JPH2: variants seen among roughly 807,000 people sequenced by gnomAD.
JPH2 encodes the protein junctophilin 2, also known as junctophilin-2.
In JPH2, 38 loss-of-function variants were observed where a neutral mutation model predicts 55.9. That is an observed-to-expected ratio of 0.68 (90% confidence interval 0.52 to 0.89). The LOEUF (loss-of-function observed/expected upper bound fraction) is 0.89. Among genes scored for constraint, JPH2 ranks in the 40% least tolerant of loss-of-function variants. JPH2 has a pLI of 0.00. For synonymous variants in JPH2, 480 were observed against 472.4 expected (o/e 1.02, Z -0.21); for missense variants, 964 against 1,037.6 (o/e 0.93, Z 0.97).
In JPH2 at chr20:44,142,846, ATGCTG is replaced by A. The variant is rs1206024270; in HGVS notation, c.1169+16767_1169+16771del. Among the ~76,000 whole-genome samples the A allele has an allele frequency of 2.0e-5, 3 of 152,194 alleles. No individual in the cohort carries two copies. In the East Asian group the frequency reaches 5.8e-4, roughly 29 times the overall value. The stretch of plus-strand genomic sequence containing the variant: ...AAATGAATAACATGGAGGGTGCCCC[ATGCTG>A]TGGGTTCTTCCCATTACAGTGTGTT... On this transcript the variant is annotated intron_variant, in intron 2 of 5. Coordinates refer to ENST00000372980, the MANE Select transcript of JPH2 (RefSeq NM_020433.5).
chr20:44,118,917 G>A (rs578017403), intron 2 of JPH2, among the ~76,000 whole-genome samples: 4 of 152,178 alleles, frequency 2.6e-5, no homozygotes, highest in Non-Finnish European at 5.9e-5. Flanking sequence ...CTATTTCCAG[G>A]CTTGGCCCAT....
rs201833408 is a variant in JPH2, at chr20:44,121,246, C to CA, written c.1170-2624dup. 6.7e-3 allele frequency among the ~76,000 whole-genome samples: 1,021 copies of CA among 152,232 alleles called. 19 individuals are homozygous for CA. Among genetic ancestry groups the CA allele is most frequent in the African/African-American group, 0.024 (976 of 41,522 alleles). On this transcript the variant is annotated intron_variant, in intron 2 of 5. Transcript: ENST00000372980. ...AGCCAGGTAGACAGAAGGGCATGTG[C>CA]AAAGACTCTGAGACTGAGGAAGAGC...
intron 1 of JPH2, among the ~76,000 whole-genome samples, chr20:44,172,456 C>T (rs1441074230): frequency 6.6e-6 from 1 of 152,022 alleles, no homozygotes; most frequent in African/African-American, 2.4e-5. Context: ...GCTCTAGTAA[C>T]CTGTATGTGT....
At chr20:44,138,160 A>G (rs924142835) in intron 2 of JPH2, among the ~76,000 whole-genome samples, 2 of 151,724 alleles carry the variant, frequency 1.3e-5, no homozygotes, top group African/African-American at 4.8e-5. Flanking sequence ...GGTGCCCGCC[A>G]CCACGCCCGG....
intron 3 of JPH2, 130 bp from the exon 4 acceptor site, chr20:44,116,516 C>G (rs2072194265): frequency 9.7e-7 from 1 of 1,029,782 alleles, no homozygotes; most frequent in South Asian, 1.4e-5. Flanking sequence ...GACCAAGTGC[C>G]AGGCACTGTT....
rs907993524 is a variant in JPH2 at position 44,112,125 on chromosome 20, C to G, written c.*1393G>C. 4 of 152,360 alleles carry G rather than the reference C, an allele frequency of 2.6e-5. No homozygotes were observed. The highest frequency in any genetic ancestry group is 9.6e-5 in the African/African-American group (4 of 41,462). 9.4% of individuals were successfully genotyped at this position (152,360 alleles called of 1,614,324 possible). A position where few individuals can be genotyped will look rare whatever the true frequency, so the allele number is the denominator to read the frequency against. ...AGGGAAATGGGAAAGCTGACCCTAT[C>G]AGAAGCAAACTCCTAGGTCCCAGAG... is the stretch of plus-strand genomic sequence containing the variant. On this transcript the variant is annotated 3_prime_UTR_variant, in exon 6 of 6. Transcript: ENST00000372980.
intron 2 of JPH2, among the ~76,000 whole-genome samples, chr20:44,122,395 T>C (rs2038168): frequency 0.77 from 116,989 of 152,184 alleles, 45,322 homozygotes; most frequent in African/African-American, 0.86. Context: ...GCAAAATTTA[T>C]GGGGTTGCCA....
chr20:44,177,303 G>A (rs2072742362), intron 1 of JPH2: 2 of 985,836 alleles, frequency 2.0e-6, no homozygotes, highest in Non-Finnish European at 2.4e-6. Flanking sequence ...ATGAGACTCG[G>A]CATTCCTCAT....
intron 1 of JPH2, among the ~76,000 whole-genome samples, chr20:44,182,603 G>A (rs988783852): frequency 3.3e-5 from 5 of 152,130 alleles, no homozygotes; most frequent in Non-Finnish European, 5.9e-5. Context: ...CACTGCCTCG[G>A]GGCCTTTGCA....
chr20:44,137,839 C>G (rs919391129), intron 2 of JPH2, among the ~76,000 whole-genome samples: 1 of 152,082 alleles, frequency 6.6e-6, no homozygotes, highest in African/African-American at 2.4e-5. Context: ...GGCTTTCCTT[C>G]TCTCTGACAC....
At chr20:44,149,963 G>GAAAAAAAAAAA (rs67234498) in intron 2 of JPH2, among the ~76,000 whole-genome samples, 1 of 11,458 alleles carries the variant, frequency 8.7e-5, no homozygotes, top group Non-Finnish European at 1.4e-4. Context: ...GGCGACAGAG[G>GAAAAAAAAAAA]AAAAAAAAAA....
Position 44,125,021 on chromosome 20 carries a change from T to C in JPH2, c.1170-6398A>G, listed in dbSNP as rs539640998. ...CTACTTAGAAGGCTGAGGCAGAGAATCACTTGAATCTGGGAGGCAGAGGTT... is the reference window on the plus strand; with the variant it reads ...CTACTTAGAAGGCTGAGGCAGAGAACCACTTGAATCTGGGAGGCAGAGGTT... On this transcript the variant is annotated intron_variant, in intron 2 of 5. Transcript: ENST00000372980. 2.2e-3 allele frequency among the ~76,000 whole-genome samples: 329 copies of C among 150,126 alleles called. 1 individual carries two copies. Among genetic ancestry groups the C allele is most frequent in the Middle Eastern group, 6.9e-3 (2 of 288 alleles).
rs975730139 is a variant in JPH2 at position 44,177,270 on chromosome 20, C to T, written c.379+9057G>A. On this transcript the variant is annotated intron_variant, in intron 1 of 5. Transcript: ENST00000372980. ...CCTGTCCCCCTCGCCCCACACCCCACCCTCAACCAGGGCCCTCAGAAAATG... is the reference window on the plus strand; with the variant it reads ...CCTGTCCCCCTCGCCCCACACCCCATCCTCAACCAGGGCCCTCAGAAAATG... The T allele has an allele frequency of 1.2e-5, 12 of 986,090 alleles. No homozygotes were observed. The African/African-American group carries it at 2.1e-4, about 17-fold the overall frequency. The allele number at this position is 986,090 out of a possible 1,614,324, so 61.1% of individuals were successfully genotyped here. A position where few individuals can be genotyped will look rare whatever the true frequency, so the allele number is the denominator to read the frequency against.
intron 2 of JPH2, among the ~76,000 whole-genome samples, chr20:44,154,705 T>A (rs1218727261): frequency 2.6e-5 from 4 of 152,164 alleles, no homozygotes; most frequent in Admixed American, 6.5e-5. Context: ...ATGCTTTCTG[T>A]CTCTCCACAG....
At chr20:44,125,435 A>C (rs891145074) in intron 2 of JPH2, among the ~76,000 whole-genome samples, 1 of 152,222 alleles carries the variant, frequency 6.6e-6, no homozygotes, top group Admixed American at 6.5e-5. Context: ...GTAAACACAT[A>C]TGGCCTCAGA....
chr20:44,142,505 C>A lies in JPH2; in HGVS notation c.1169+17113G>T, dbSNP rs532257262. Among the ~76,000 whole-genome samples, 5 of 152,286 alleles carry A rather than the reference C, an allele frequency of 3.3e-5. No homozygotes were observed. The South Asian group carries it at 1.0e-3, about 32-fold the overall frequency. On this transcript the variant is annotated intron_variant, in intron 2 of 5. Coordinates refer to ENST00000372980, the MANE Select transcript of JPH2 (RefSeq NM_020433.5). ...CGCCAAGCACATGCCCACCTCAGAG[C>A]CTTCCCTGGCCCCTCCCTCTCCCGG... is the stretch of plus-strand genomic sequence containing the variant.
chr20:44,177,883 G>A (rs909614803), intron 1 of JPH2: 27 of 1,610,270 alleles, frequency 1.7e-5, no homozygotes, highest in South Asian at 1.1e-5. Context: ...ATATATTTTG[G>A]CATTTCCTAT....
At chr20:44,114,701 T>G (rs978334353) in intron 5 of JPH2, 81 bp downstream of exon 5, 2 of 1,006,146 alleles carry the variant, frequency 2.0e-6, no homozygotes, top group Non-Finnish European at 3.1e-6. Flanking sequence ...ACCGAGTAGG[T>G]CCCTCCTCCC....
intron 3 of JPH2, among the ~76,000 whole-genome samples, chr20:44,117,633 T>TG (rs2072203231): frequency 6.6e-6 from 1 of 152,062 alleles, no homozygotes; most frequent in Non-Finnish European, 1.5e-5. Flanking sequence ...ACTCTGGGGG[T>TG]GGACCCAGCA....
Sources: gnomAD v4.1 joint callset for allele counts (sites outside exome capture counted in the v4.1 genomes callset) on GRCh38, gnomAD v4.1.1 for gene constraint, MANE v1.5 for transcripts, NCBI Gene and HGNC (gene_info 2026-07-23, HGNC 2026-07-21) for gene names.